ALDH3A2: variants seen among roughly 807,000 people sequenced by gnomAD.
The protein encoded by ALDH3A2 is aldehyde dehydrogenase 3 family member A2.
In ALDH3A2, 36 loss-of-function variants were observed where a neutral mutation model predicts 51.3. That is an observed-to-expected ratio of 0.70 (90% CI 0.54 to 0.93). The LOEUF is 0.93. Among genes scored for constraint, ALDH3A2 ranks in the 40% least tolerant of loss-of-function variants. The pLI is 0.00. For missense variants in ALDH3A2, 552 were observed against 603.1 expected (o/e 0.92, Z 0.89); for synonymous variants, 199 against 219.8 (o/e 0.91, Z 0.84).
At position 19,676,789 on chromosome 17, in the gene ALDH3A2, C is replaced by T. The variant is rs1467018948; in HGVS notation, c.*1217C>T. The T allele has an allele frequency of 6.6e-6, 1 of 152,202 alleles. No homozygotes were observed. Among genetic ancestry groups the T allele is most frequent in the Non-Finnish European group, 1.5e-5 (1 of 68,038 alleles). 9.4% of individuals were successfully genotyped at this position (152,202 alleles called of 1,614,324 possible). A position where few individuals can be genotyped will look rare whatever the true frequency, so the allele number is the denominator to read the frequency against. On this transcript the variant is annotated 3_prime_UTR_variant, in exon 10 of 10. Coordinates refer to ENST00000176643, the MANE Select transcript of ALDH3A2 (RefSeq NM_000382.3). ...TATTTCTGTAGTGCAAGTAAAATTT[C>T]ACTTTTTGAAACTATAGAGAGATCC...
intron 3 of ALDH3A2, chr17:19,655,195 A>AT (rs2084878745): frequency 1.3e-5 from 2 of 152,192 alleles, no homozygotes; most frequent in South Asian, 4.1e-4. Context: ...CAGCTTAAAA[A>AT]TATCTTACCT....
chr17:19,661,743 A>C (rs2084968727), intron 6 of ALDH3A2, among the ~76,000 whole-genome samples: 1 of 152,114 alleles, frequency 6.6e-6, no homozygotes, highest in South Asian at 2.1e-4. Flanking sequence ...TTGAATGTTA[A>C]GCACATTTTT....
chr17:19,671,300 G>A (rs184655503), intron 8 of ALDH3A2, among the ~76,000 whole-genome samples: 7 of 152,304 alleles, frequency 4.6e-5, no homozygotes, highest in East Asian at 1.9e-4. Flanking sequence ...ATCCAGGTTC[G>A]GGTTCTGGCT....
At chr17:19,671,159 C>G (rs1441461767) in intron 8 of ALDH3A2, among the ~76,000 whole-genome samples, 2 of 152,222 alleles carry the variant, frequency 1.3e-5, no homozygotes, top group African/African-American at 2.4e-5. Context: ...TTATTATCAT[C>G]CAGCTGTGCA....
intron 5 of ALDH3A2, among the ~76,000 whole-genome samples, chr17:19,658,479 C>T (rs1224513905): frequency 6.6e-6 from 1 of 151,328 alleles, no homozygotes; most frequent in Non-Finnish European, 1.5e-5. Context: ...AATCCCAGCA[C>T]TTTGGGGGGC....
rs2084870739 is a variant in ALDH3A2, at chr17:19,654,685, G to A, written c.472-1681G>A. On this transcript the variant is annotated intron_variant, in intron 3 of 9. Transcript: ENST00000176643. The surrounding 1 kb of genome is among the most constrained non-coding windows in gnomAD (Gnocchi z 4.5). ...AGCGCCACGCGCAGCCCCGGTTCCT[G>A]CCTGCGCCTCTCCCTCCACACCTTC... 1.3e-5 allele frequency among the ~76,000 whole-genome samples: 2 copies of A among 151,836 alleles called. No individual in the cohort carries two copies. Among genetic ancestry groups the A allele is most frequent in the South Asian group, 4.2e-4 (2 of 4,788 alleles).
chr17:19,675,664 A>T lies in ALDH3A2; in HGVS notation c.*92A>T. 7.4e-7 allele frequency: 1 copy of T among 1,345,660 alleles called. No homozygotes were observed. Among genetic ancestry groups the T allele is most frequent in the Non-Finnish European group, 1.1e-6 (1 of 936,812 alleles). The allele number at this position is 1,345,660 out of a possible 1,614,324, so 83.4% of individuals were successfully genotyped here. ...CAATAATTTTTAAATCATACCAAAA[A>T]TAGTAAGAAAATATGCAAACACTCT... On this transcript the variant is annotated 3_prime_UTR_variant, in exon 10 of 10. Transcript: ENST00000176643.
At chr17:19,670,565 T>C (rs1260017696) in intron 8 of ALDH3A2, among the ~76,000 whole-genome samples, 2 of 137,756 alleles carry the variant, frequency 1.5e-5, no homozygotes, top group African/African-American at 5.8e-5. Context: ...CCCTTATTCT[T>C]TTTTTTTTTT....
At chr17:19,673,444 G>A (rs574700006) in intron 9 of ALDH3A2, among the ~76,000 whole-genome samples, 1 of 151,704 alleles carries the variant, frequency 6.6e-6, no homozygotes, top group Non-Finnish European at 1.5e-5. Context: ...TGGGCCGGGC[G>A]CAGTGGCTCA....
At chr17:19,665,112 T>C (rs1294968004) in intron 8 of ALDH3A2, 65 bp downstream of exon 8, 3 of 1,389,126 alleles carry the variant, frequency 2.2e-6, no homozygotes, top group East Asian at 2.3e-5. Flanking sequence ...ATGAGTGGAT[T>C]GTATGGGCTG....
At chr17:19,657,300 G>C (rs760793717) in intron 4 of ALDH3A2, among the ~76,000 whole-genome samples, 2 of 152,250 alleles carry the variant, frequency 1.3e-5, no homozygotes, top group Non-Finnish European at 2.9e-5. Flanking sequence ...CAAAGAGGAG[G>C]ATGGCCTTGG....
At position 19,668,797 on chromosome 17, in the gene ALDH3A2, A is replaced by G. The variant is rs2085073463; in HGVS notation, c.1208-2924A>G. ...TCCCAGCTACTTAGGAGGCTGAGGCAGTAGAATCACTTGAACCCTGGAGGC... is the reference window on the plus strand; with the variant it reads ...TCCCAGCTACTTAGGAGGCTGAGGCGGTAGAATCACTTGAACCCTGGAGGC... On this transcript the variant is annotated intron_variant, in intron 8 of 9. Coordinates refer to ENST00000176643, the MANE Select transcript of ALDH3A2 (RefSeq NM_000382.3). 1.5e-5 allele frequency among the ~76,000 whole-genome samples: 2 copies of G among 132,392 alleles called. 1 individual carries two copies. The highest frequency in any genetic ancestry group is 3.3e-5 in the Non-Finnish European group (2 of 60,982). 86.9% of individuals were successfully genotyped at this position (132,392 alleles called of 152,430 possible).
intron 1 of ALDH3A2, among the ~76,000 whole-genome samples, chr17:19,650,136 TC>T (rs1010320489): frequency 4.6e-5 from 7 of 152,280 alleles, no homozygotes; most frequent in African/African-American, 1.4e-4. Flanking sequence ...GGTCCTGAAC[TC>T]CTGGCCTCAA....
intron 8 of ALDH3A2, 54 bp downstream of exon 8, chr17:19,665,101 C>A: frequency 6.8e-7 from 1 of 1,461,480 alleles, no homozygotes; most frequent in Non-Finnish European, 9.6e-7. Flanking sequence ...ACCACCATTT[C>A]ATGAGTGGAT....
In ALDH3A2 at chr17:19,668,989, T is replaced by A. The variant is rs1345233189; in HGVS notation, c.1208-2732T>A. ...TTCTTTTCTTTTCTTTTTTCTTTTC[T>A]TTTCTTTCCATTTAACCATGGAGTT... is the stretch of plus-strand genomic sequence containing the variant. On this transcript the variant is annotated intron_variant, in intron 8 of 9. Transcript: ENST00000176643. 6.5e-5 allele frequency among the ~76,000 whole-genome samples: 5 copies of A among 76,698 alleles called. 1 individual carries two copies. Among genetic ancestry groups the A allele is most frequent in the African/African-American group, 2.1e-4 (5 of 24,334 alleles). 50.3% of individuals were successfully genotyped at this position (76,698 alleles called of 152,430 possible).
chr17:19,651,076 G>A (rs1197957666), intron 1 of ALDH3A2, among the ~76,000 whole-genome samples: 2 of 152,226 alleles, frequency 1.3e-5, no homozygotes, highest in East Asian at 1.9e-4. Context: ...GTCCTCAAGA[G>A]TTTTAAACTT....
rs1287303213 is a variant in ALDH3A2 at position 19,677,584 on chromosome 17, T to C, written c.*2012T>C. On this transcript the variant is annotated 3_prime_UTR_variant, in exon 10 of 10. Coordinates refer to ENST00000176643, the MANE Select transcript of ALDH3A2 (RefSeq NM_000382.3). ...TTCTCCCCAACTATAAATCATTTTA[T>C]GTCTTTATCATAGATGGTATTTGTC... is the stretch of plus-strand genomic sequence containing the variant. The C allele has an allele frequency of 1.3e-5, 2 of 152,228 alleles. No individual in the cohort carries two copies. The highest frequency in any genetic ancestry group is 2.9e-5 in the Non-Finnish European group (2 of 68,046). 9.4% of individuals were successfully genotyped at this position (152,228 alleles called of 1,614,324 possible).
chr17:19,673,928 G>A (rs963786960), intron 9 of ALDH3A2, among the ~76,000 whole-genome samples: 1 of 152,186 alleles, frequency 6.6e-6, no homozygotes, highest in African/African-American at 2.4e-5. Flanking sequence ...GGGCAGCTGA[G>A]TGTGAGCCTC....
chr17:19,657,061 T>G (rs952840133), intron 4 of ALDH3A2, among the ~76,000 whole-genome samples: 7 of 152,260 alleles, frequency 4.6e-5, no homozygotes, highest in Non-Finnish European at 1.5e-5. Flanking sequence ...TCAGGTTCTC[T>G]CTGCTAAATC....
Sources: allele counts gnomAD v4.1 joint callset (sites outside exome capture counted in the v4.1 genomes callset), GRCh38; gene constraint gnomAD v4.1.1; non-coding constraint Gnocchi (gnomAD v3.1); transcripts MANE v1.5; gene names NCBI Gene and HGNC (gene_info 2026-07-23, HGNC 2026-07-21).